Variants in NTSR1 observed in about 807,000 individuals in gnomAD.
NTSR1 encodes neurotensin receptor 1.
A neutral mutation model predicts 31.2 loss-of-function variants in NTSR1; 29 were observed. That is an observed-to-expected ratio of 0.93 (90% CI 0.69 to 1.27). The LOEUF is 1.27. NTSR1 is among the 50% of genes most tolerant of loss of function. The probability of loss-of-function intolerance (pLI) is 0.00; values close to 1 mark genes in which losing one functional copy is unlikely to be tolerated. For synonymous variants in NTSR1, 282 were observed against 269.9 expected (o/e 1.04, Z -0.44); for missense variants, 697 against 595.4 (o/e 1.17, Z -1.78).
In NTSR1 at chr20:62,758,405, C is replaced by A; in HGVS notation, c.1007+49C>A. ...TGGGTGCTGGACAAGTAAGTGCTCCCAAAACAGATGGTGGGTGTGGCAGGC... is the reference window on the plus strand; with the variant it reads ...TGGGTGCTGGACAAGTAAGTGCTCCAAAAACAGATGGTGGGTGTGGCAGGC... On this transcript the variant is annotated intron_variant, in intron 3 of 3. Coordinates refer to ENST00000370501, the MANE Select transcript of NTSR1 (RefSeq NM_002531.3). The surrounding 1 kb of genome is among the most constrained non-coding windows in gnomAD (Gnocchi z 4.5). 3 of 1,526,358 alleles carry A rather than the reference C, an allele frequency of 2.0e-6. No individual in the cohort carries two copies. Among genetic ancestry groups the A allele is most frequent in the South Asian group, 1.1e-5 (1 of 88,922 alleles). The allele number at this position is 1,526,358 out of a possible 1,614,324, so 94.6% of individuals were successfully genotyped here.
In NTSR1 at chr20:62,715,506, T is replaced by C. The variant is rs777843660; in HGVS notation, c.714+5585T>C. Among the ~76,000 whole-genome samples the C allele has an allele frequency of 6.6e-6, 1 of 151,908 alleles. No individual in the cohort carries two copies. Among genetic ancestry groups the C allele is most frequent in the Non-Finnish European group, 1.5e-5 (1 of 67,932 alleles). ...GGCTTTTGAGTGAGATGGGCAAGGGTGGGAACGTGAGGGGCCCAGAGCTGG... is the reference window on the plus strand; with the variant it reads ...GGCTTTTGAGTGAGATGGGCAAGGGCGGGAACGTGAGGGGCCCAGAGCTGG... On this transcript the variant is annotated intron_variant, in intron 1 of 3. Transcript: ENST00000370501. This position sits in a 1 kb window ranked among gnomAD's most constrained non-coding sequence, Gnocchi z 4.7.
At chr20:62,752,335 G>A (rs146278615) in intron 1 of NTSR1, among the ~76,000 whole-genome samples, 1,764 of 152,314 alleles carry the variant, frequency 0.012, 38 homozygotes, top group African/African-American at 0.04. Flanking sequence ...AAAGGACGGC[G>A]CAAGCCAAAG....
chr20:62,729,554 A>C (rs1324090259), intron 1 of NTSR1, among the ~76,000 whole-genome samples: 1 of 151,998 alleles, frequency 6.6e-6, no homozygotes, highest in Non-Finnish European at 1.5e-5. Flanking sequence ...TGCAGACCCC[A>C]AGGCTCACCC....
At chr20:62,739,222 G>A (rs1210192599) in intron 1 of NTSR1, among the ~76,000 whole-genome samples, 1 of 152,196 alleles carries the variant, frequency 6.6e-6, no homozygotes, top group Non-Finnish European at 1.5e-5. Flanking sequence ...GGCTGTGCTT[G>A]ACCCTGGCCC....
intron 1 of NTSR1, among the ~76,000 whole-genome samples, chr20:62,726,960 A>G (rs1201256269): frequency 1.3e-5 from 2 of 152,176 alleles, no homozygotes; most frequent in Admixed American, 6.5e-5. Context: ...TCTGAGCCCC[A>G]TCTGGAAACT....
At chr20:62,721,067 T>C (rs1394934886) in intron 1 of NTSR1, among the ~76,000 whole-genome samples, 1 of 152,264 alleles carries the variant, frequency 6.6e-6, no homozygotes, top group East Asian at 1.9e-4. Context: ...TTCTGGTGAA[T>C]GTCACATGCA....
chr20:62,754,593 C>T, intron 1 of NTSR1, 92 bp from the exon 2 acceptor site: 1 of 1,042,516 alleles, frequency 9.6e-7, no homozygotes, highest in South Asian at 1.3e-5. Context: ...ACTGAGCAGG[C>T]CTGACACCCC....
At chr20:62,735,583 G>T (rs1989077020) in intron 1 of NTSR1, among the ~76,000 whole-genome samples, 1 of 152,228 alleles carries the variant, frequency 6.6e-6, no homozygotes, top group Non-Finnish European at 1.5e-5. Context: ...TCCTTCTGTG[G>T]GCGGGGATGA....
intron 1 of NTSR1, 64 bp from the exon 2 acceptor site, chr20:62,754,621 T>C (rs927457455): frequency 2.2e-6 from 3 of 1,346,172 alleles, no homozygotes; most frequent in Non-Finnish European, 3.2e-6. Flanking sequence ...ACGGCAGGCA[T>C]CCCAGCTGAG....
chr20:62,717,609 C>T (rs8126434), intron 1 of NTSR1, among the ~76,000 whole-genome samples: 9,146 of 152,206 alleles, frequency 0.06, 505 homozygotes, highest in African/African-American at 0.14. Context: ...AGGACTCAAT[C>T]GCCCATGAGC....
chr20:62,760,564 C>T lies in NTSR1; in HGVS notation c.*297C>T, dbSNP rs368022440. The T allele has an allele frequency of 3.7e-5, 13 of 351,996 alleles. No homozygotes were observed. In the East Asian group the frequency reaches 4.1e-4, roughly 11 times the overall value. The allele number at this position is 351,996 out of a possible 1,614,324, so 21.8% of individuals were successfully genotyped here. A position where few individuals can be genotyped will look rare whatever the true frequency, so the allele number is the denominator to read the frequency against. On this transcript the variant is annotated 3_prime_UTR_variant, in exon 4 of 4. Coordinates refer to ENST00000370501, the MANE Select transcript of NTSR1 (RefSeq NM_002531.3). ...CCTCTAACAAGGAGAAATTAGTGTG[C>T]GGCAAAAGGCAGTTTTCTTTGTTCT...
At chr20:62,752,524 C>G (rs1191591021) in intron 1 of NTSR1, among the ~76,000 whole-genome samples, 1 of 152,232 alleles carries the variant, frequency 6.6e-6, no homozygotes, top group Non-Finnish European at 1.5e-5. Flanking sequence ...GGCCCTGCGG[C>G]AGACTCTGTT....
chr20:62,757,105 T>C (rs1989525971), intron 2 of NTSR1, among the ~76,000 whole-genome samples: 2 of 152,246 alleles, frequency 1.3e-5, no homozygotes, highest in African/African-American at 2.4e-5. Context: ...ATCTACTTTT[T>C]TCTTTTGTGG....
rs373102489 is a variant in NTSR1 at position 62,715,214 on chromosome 20, G to C, written c.714+5293G>C. Among the ~76,000 whole-genome samples, 98 of 152,336 alleles carry C rather than the reference G, an allele frequency of 6.4e-4. No individual in the cohort carries two copies. The highest frequency in any genetic ancestry group is 3.4e-3 in the Middle Eastern group (1 of 294). ...GTTCAGATGGTGACTCTGAGGCTGT[G>C]GGGGGTGAGAGGGCAGGACAGGGAG... On this transcript the variant is annotated intron_variant, in intron 1 of 3. Coordinates refer to ENST00000370501, the MANE Select transcript of NTSR1 (RefSeq NM_002531.3). The surrounding 1 kb of genome is among the most constrained non-coding windows in gnomAD (Gnocchi z 4.7).
intron 2 of NTSR1, 92 bp downstream of exon 2, chr20:62,754,978 T>A: frequency 7.8e-7 from 1 of 1,284,148 alleles, no homozygotes; most frequent in Non-Finnish European, 1.1e-6. Flanking sequence ...GGGCAAGGTT[T>A]AAAGACATAG....
chr20:62,754,490 G>GACC, intron 1 of NTSR1, among the ~76,000 whole-genome samples, 195 bp from the exon 2 acceptor site: 1 of 152,104 alleles, frequency 6.6e-6, no homozygotes, highest in Admixed American at 6.5e-5. Flanking sequence ...CAGGCTGAGG[G>GACC]CCAGCTTACA....
chr20:62,709,939 GC>G lies in NTSR1; in HGVS notation c.714+22del. 1 of 1,547,386 alleles carries G rather than the reference GC, an allele frequency of 6.5e-7. No homozygotes were observed. On this transcript the variant is annotated intron_variant, in intron 1 of 3. Transcript: ENST00000370501. ...TCATACAGGTGAGCCTCAGTAACCA[GC>G]CCCGGGGCTCCCCTCTCCTTCACCC...
chr20:62,718,561 C>T (rs1193317591), intron 1 of NTSR1, among the ~76,000 whole-genome samples: 1 of 151,364 alleles, frequency 6.6e-6, no homozygotes, highest in Admixed American at 6.6e-5. Flanking sequence ...CCCGCCCCTC[C>T]ACCCACTGGT....
rs140803448 is a variant in NTSR1, at chr20:62,733,026, C to G, written c.715-21659C>G. 3 of 144,116 alleles carry G rather than the reference C, an allele frequency of 2.1e-5. No individual in the cohort carries two copies. The highest frequency in any genetic ancestry group is 2.1e-4 in the East Asian group (1 of 4,798). 8.9% of individuals were successfully genotyped at this position (144,116 alleles called of 1,614,324 possible). On this transcript the variant is annotated intron_variant, in intron 1 of 3. Coordinates refer to ENST00000370501, the MANE Select transcript of NTSR1 (RefSeq NM_002531.3). This position sits in a 1 kb window ranked among gnomAD's most constrained non-coding sequence, Gnocchi z 5.2. ...AATGTTTCTCGGTGAGAAGCCGCCA[C>G]GGGAGTCTGTGGACTTGTCACATCA...
Sources: gnomAD v4.1 joint callset for allele counts (sites outside exome capture counted in the v4.1 genomes callset) on GRCh38, gnomAD v4.1.1 for gene constraint, Gnocchi (gnomAD v3.1) non-coding constraint, MANE v1.5 for transcripts, NCBI Gene and HGNC (gene_info 2026-07-23, HGNC 2026-07-21) for gene names.